SPATA16: variants seen among roughly 807,000 people sequenced by gnomAD.
The protein encoded by SPATA16 is spermatogenesis-associated protein 16.
Under a neutral mutation model 63.3 loss-of-function variants are expected in SPATA16, and 36 were observed. The observed-to-expected ratio is 0.57, with a 90% CI of 0.44 to 0.75. SPATA16 has a LOEUF of 0.75. Ranked by LOEUF, SPATA16 falls within the 30% of genes least tolerant of loss-of-function variation. The probability of loss-of-function intolerance (pLI) is 0.00; values close to 1 mark genes in which losing one functional copy is unlikely to be tolerated. For missense variants in SPATA16, 646 were observed against 679.3 expected, an observed-to-expected ratio of 0.95 and a Z score of 0.54; for synonymous variants, 203 against 216.7, an observed-to-expected ratio of 0.94 and a Z score of 0.56.
rs536903743 is a variant in SPATA16 at position 173,009,492 on chromosome 3, C to T, written c.848+9994G>A. On this transcript the variant is annotated intron_variant, in intron 4 of 10. Transcript: ENST00000351008. ...CACAGAGAGCTGCCTGGAATCTGTG[C>T]GGAGGCACCACTCAAGCCCATGTGA... 4.6e-5 allele frequency among the ~76,000 whole-genome samples: 7 copies of T among 152,318 alleles called. No individual in the cohort carries two copies. In the South Asian group the frequency reaches 6.2e-4, roughly 14 times the overall value.
chr3:172,973,828 T>G (rs1431287221), intron 5 of SPATA16, among the ~76,000 whole-genome samples: 1 of 152,140 alleles, frequency 6.6e-6, no homozygotes, highest in Non-Finnish European at 1.5e-5. Context: ...TACTTCAGGA[T>G]TGTGGTGAGG....
intron 3 of SPATA16, among the ~76,000 whole-genome samples, chr3:173,038,280 A>C (rs890812073): frequency 6.6e-6 from 1 of 152,054 alleles, no homozygotes; most frequent in South Asian, 2.1e-4. Context: ...CTCCAAGCCA[A>C]GTGTCCCAGA....
intron 6 of SPATA16, among the ~76,000 whole-genome samples, chr3:172,939,183 T>C (rs1243381220): frequency 2.0e-5 from 3 of 152,176 alleles, no homozygotes; most frequent in Non-Finnish European, 4.4e-5. Context: ...CTTTAAAAAC[T>C]GTTGCCTGCA....
In SPATA16 at chr3:172,935,841, G is replaced by C. The variant is rs138639427; in HGVS notation, c.1082-10349C>G. ...GTTAAGGTTTGAGTTTATGCTACCT[G>C]GGTAGTTTAGGAACTCTCATGTCTA... On this transcript the variant is annotated intron_variant, in intron 6 of 10. Coordinates refer to ENST00000351008, the MANE Select transcript of SPATA16 (RefSeq NM_031955.6). Among the ~76,000 whole-genome samples, 615 of 152,200 alleles carry C rather than the reference G, an allele frequency of 4.0e-3. 2 individuals carry two copies. Among genetic ancestry groups the C allele is most frequent in the Non-Finnish European group, 5.6e-3 (380 of 68,016 alleles).
At chr3:173,073,496 G>A (rs539118706) in intron 2 of SPATA16, among the ~76,000 whole-genome samples, 2 of 152,360 alleles carry the variant, frequency 1.3e-5, no homozygotes, top group South Asian at 4.1e-4. Context: ...AGGTGCCAAG[G>A]AACAGCTCAT....
chr3:172,998,494 A>G (rs1465055205), intron 4 of SPATA16, among the ~76,000 whole-genome samples: 1 of 152,104 alleles, frequency 6.6e-6, no homozygotes, highest in Middle Eastern at 3.2e-3. Context: ...GACAAAGACA[A>G]TTTTATTTCT....
At chr3:173,022,361 A>C (rs1735354071) in intron 3 of SPATA16, among the ~76,000 whole-genome samples, 1 of 152,174 alleles carries the variant, frequency 6.6e-6, no homozygotes. Flanking sequence ...AGGAAGACAC[A>C]GACCCAGTCT....
chr3:173,034,790 G>T (rs1735678382), intron 3 of SPATA16, among the ~76,000 whole-genome samples: 1 of 152,072 alleles, frequency 6.6e-6, no homozygotes, highest in South Asian at 2.1e-4. Context: ...TCTCAATACT[G>T]GATTCAAGGT....
intron 1 of SPATA16, among the ~76,000 whole-genome samples, chr3:173,120,770 A>C (rs1254921580): frequency 2.0e-5 from 3 of 150,748 alleles, no homozygotes; most frequent in African/African-American, 7.3e-5. Flanking sequence ...AACTCCTCCC[A>C]CTCCAATTCT....
intron 9 of SPATA16, among the ~76,000 whole-genome samples, chr3:172,915,399 G>T (rs368737345): frequency 1.3e-5 from 2 of 152,076 alleles, no homozygotes; most frequent in East Asian, 1.9e-4. Flanking sequence ...AAGCTCAAAG[G>T]GGGAGGGTTT....
chr3:172,914,044 G>C (rs1387727806), intron 9 of SPATA16, among the ~76,000 whole-genome samples: 5 of 152,140 alleles, frequency 3.3e-5, no homozygotes, highest in Admixed American at 3.3e-4. Context: ...AATGAAGGCA[G>C]TAGTTAATTC....
At chr3:172,936,865 G>A (rs1205452276) in intron 6 of SPATA16, among the ~76,000 whole-genome samples, 2 of 151,986 alleles carry the variant, frequency 1.3e-5, no homozygotes, top group South Asian at 2.1e-4. Context: ...GGGCCACTAT[G>A]GCCAGCTAAT....
At chr3:172,924,360 C>A (rs759346938) in intron 7 of SPATA16, 43 bp from the exon 8 acceptor site, 1 of 1,454,852 alleles carries the variant, frequency 6.9e-7, no homozygotes, top group East Asian at 2.3e-5. Context: ...TTTCTCCAGA[C>A]TTCCATTTCA....
intron 6 of SPATA16, among the ~76,000 whole-genome samples, chr3:172,941,282 C>CCTT (rs1733141854): frequency 6.6e-6 from 1 of 152,040 alleles, no homozygotes; most frequent in Non-Finnish European, 1.5e-5. Flanking sequence ...GAATCAGGGA[C>CCTT]TAAAGTATTA....
chr3:173,115,282 A>G (rs1365920139), intron 2 of SPATA16, among the ~76,000 whole-genome samples: 1 of 152,224 alleles, frequency 6.6e-6, no homozygotes, highest in Non-Finnish European at 1.5e-5. Context: ...CTTTTACAGT[A>G]GCTAAGAAAA....
At chr3:173,073,124 A>T (rs1004626840) in intron 2 of SPATA16, among the ~76,000 whole-genome samples, 2 of 152,240 alleles carry the variant, frequency 1.3e-5, no homozygotes, top group African/African-American at 4.8e-5. Context: ...CTGGTAGAAG[A>T]CATTTCTAAG....
intron 2 of SPATA16, among the ~76,000 whole-genome samples, chr3:173,063,346 A>G (rs1736434886): frequency 6.6e-6 from 1 of 152,254 alleles, no homozygotes; most frequent in Non-Finnish European, 1.5e-5. Flanking sequence ...AGAGAAGGCT[A>G]GAACATGCAA....
At chr3:172,978,138 C>T (rs1017948229) in intron 4 of SPATA16, among the ~76,000 whole-genome samples, 3 of 148,276 alleles carry the variant, frequency 2.0e-5, no homozygotes, top group Non-Finnish European at 3.0e-5. Flanking sequence ...TCTCTCTCTC[C>T]CTCTCTCTCT....
At chr3:172,932,292 G>A (rs1732889224) in intron 6 of SPATA16, among the ~76,000 whole-genome samples, 1 of 151,832 alleles carries the variant, frequency 6.6e-6, no homozygotes, top group African/African-American at 2.4e-5. Flanking sequence ...GATTTGTTGG[G>A]GTCTATCATT....
Sources: allele counts gnomAD v4.1 joint callset (sites outside exome capture counted in the v4.1 genomes callset), GRCh38; gene constraint gnomAD v4.1.1; transcripts MANE v1.5; gene names NCBI Gene and HGNC (gene_info 2026-07-23, HGNC 2026-07-21).